Variants in APBA1 observed in about 807,000 individuals in gnomAD.
APBA1 encodes the protein amyloid-beta A4 precursor protein-binding family A member 1.
APBA1 carries 55 observed loss-of-function variants against 86.6 expected under a neutral mutation model. The ratio of observed to expected loss-of-function variants is 0.64; its 90% CI spans 0.51 to 0.80. The LOEUF (loss-of-function observed/expected upper bound fraction) is 0.80. Ranked by LOEUF, APBA1 falls within the 30% of genes least tolerant of loss-of-function variation. APBA1 has a pLI of 0.00. For missense variants in APBA1, 1,090 were observed against 1,183.0 expected (o/e 0.92, Z 1.15); for synonymous variants, 511 against 493.9 (o/e 1.03, Z -0.46).
intron 1 of APBA1, among the ~76,000 whole-genome samples, chr9:69,539,311 C>T (rs1410370187): frequency 2.6e-5 from 4 of 152,250 alleles, no homozygotes; most frequent in East Asian, 1.9e-4. Context: ...TGTGTTAAAA[C>T]AGACTTCTGA....
chr9:69,440,880 T>C, intron 11 of APBA1, 116 bp downstream of exon 11: 1 of 1,296,428 alleles, frequency 7.7e-7, no homozygotes. Context: ...TCACTCACGC[T>C]GGGAGTTGTA....
intron 1 of APBA1, among the ~76,000 whole-genome samples, chr9:69,578,332 G>T (rs963366305): frequency 6.6e-6 from 1 of 152,176 alleles, no homozygotes; most frequent in Non-Finnish European, 1.5e-5. Flanking sequence ...CCACATGGTG[G>T]TTTTCTTTGT....
Position 69,658,300 on chromosome 9 carries a change from C to CTT in APBA1, c.-70+13852_-70+13853insAA, listed in dbSNP as rs1564104986. Among the ~76,000 whole-genome samples, 92 of 56,146 alleles carry CTT rather than the reference C, an allele frequency of 1.6e-3. 2 individuals carry two copies. The highest frequency in any genetic ancestry group is 8.9e-3 in the Middle Eastern group (1 of 112). The allele number at this position is 56,146 out of a possible 152,430, so 36.8% of individuals were successfully genotyped here. A position where few individuals can be genotyped will look rare whatever the true frequency, so the allele number is the denominator to read the frequency against. On this transcript the variant is annotated intron_variant, in intron 1 of 12. Transcript: ENST00000265381. ...TCTTTCTTTCTCTCTCTCTTTCTCT[C>CTT]TCTCTCTTTCTTTCTTTCTTTCTTT...
rs371135732 is a variant in APBA1 at position 69,444,301 on chromosome 9, A to G, written c.2182-3186T>C. On this transcript the variant is annotated intron_variant, in intron 10 of 12. Coordinates refer to ENST00000265381, the MANE Select transcript of APBA1 (RefSeq NM_001163.4). Reference sequence around the variant, plus strand: ...GAGTGTGATTCTCCCTGGGGAAATGAACATCTGTGAAGGATCCAGGCCTTC... The same window carrying G: ...GAGTGTGATTCTCCCTGGGGAAATGGACATCTGTGAAGGATCCAGGCCTTC... 1.5e-4 allele frequency among the ~76,000 whole-genome samples: 23 copies of G among 152,342 alleles called. No homozygotes were observed. In the South Asian group the frequency reaches 4.8e-3, roughly 32 times the overall value.
chr9:69,444,767 TCCA>T (rs1316890095), intron 10 of APBA1, among the ~76,000 whole-genome samples: 2 of 152,184 alleles, frequency 1.3e-5, no homozygotes, highest in Non-Finnish European at 2.9e-5. Flanking sequence ...CTCCTTTCCA[TCCA>T]CCTAATCAAT....
chr9:69,555,168 G>A (rs1836843493), intron 1 of APBA1, among the ~76,000 whole-genome samples: 1 of 152,154 alleles, frequency 6.6e-6, no homozygotes, highest in Non-Finnish European at 1.5e-5. Context: ...ACAGAGATAA[G>A]TTTTAATAAC....
intron 1 of APBA1, among the ~76,000 whole-genome samples, chr9:69,635,735 G>GT (rs1823144115): frequency 1.3e-5 from 2 of 152,086 alleles, no homozygotes; most frequent in South Asian, 4.2e-4. Flanking sequence ...GACAAAAACT[G>GT]TAAGAGGAAA....
chr9:69,658,224 CTTTCTT>C (rs1823654886), intron 1 of APBA1, among the ~76,000 whole-genome samples: 1 of 14,720 alleles, frequency 6.8e-5, no homozygotes, highest in African/African-American at 1.0e-4. Context: ...TCCTTTCTCT[CTTTCTT>C]TCTTTCTTTC....
At position 69,464,422 on chromosome 9, in the gene APBA1, C is replaced by T. The variant is rs192541430; in HGVS notation, c.1482+3401G>A. 29 of 152,324 alleles carry T rather than the reference C, an allele frequency of 1.9e-4. No homozygotes were observed. The East Asian group carries it at 5.2e-3, about 27-fold the overall frequency. The allele number at this position is 152,324 out of a possible 1,614,324, so 9.4% of individuals were successfully genotyped here. ...TTACCACTCTATAATGAATTCCTCA[C>T]GCCAGAGTAATTTGCTTGTAAAAAT... is the stretch of plus-strand genomic sequence containing the variant. On this transcript the variant is annotated intron_variant, in intron 5 of 12. Coordinates refer to ENST00000265381, the MANE Select transcript of APBA1 (RefSeq NM_001163.4).
At chr9:69,503,834 C>T (rs756040451) in intron 2 of APBA1, among the ~76,000 whole-genome samples, 40 of 152,050 alleles carry the variant, frequency 2.6e-4, no homozygotes, top group Non-Finnish European at 5.4e-4. Context: ...GGTTGTGATC[C>T]TGGGATCTCC....
chr9:69,431,521 C>G (rs912444617), intron 12 of APBA1, 123 bp from the exon 13 acceptor site: 1 of 774,946 alleles, frequency 1.3e-6, no homozygotes, highest in Non-Finnish European at 2.0e-6. Context: ...TACTCCCTAC[C>G]GCCCAGCCAC....
intron 1 of APBA1, among the ~76,000 whole-genome samples, chr9:69,644,586 G>A (rs1001568185): frequency 2.6e-5 from 4 of 152,176 alleles, no homozygotes; most frequent in Non-Finnish European, 5.9e-5. Context: ...AAGCCCTACA[G>A]AGTCCCAGCA....
At chr9:69,523,499 A>ATATG (rs1554697024) in intron 1 of APBA1, among the ~76,000 whole-genome samples, 126 of 31,130 alleles carry the variant, frequency 4.0e-3, no homozygotes, top group Non-Finnish European at 4.7e-3. Flanking sequence ...ATATATATGT[A>ATATG]TATATATATA....
At chr9:69,444,878 CA>C in intron 10 of APBA1, among the ~76,000 whole-genome samples, 1 of 152,356 alleles carries the variant, frequency 6.6e-6, no homozygotes, top group African/African-American at 2.4e-5. Context: ...GAGACATTAT[CA>C]GTACTAAGCA....
At chr9:69,594,781 T>A (rs1822197534) in intron 1 of APBA1, among the ~76,000 whole-genome samples, 1 of 152,130 alleles carries the variant, frequency 6.6e-6, no homozygotes, top group Admixed American at 6.5e-5. Flanking sequence ...GAGTAGACAT[T>A]ACCCAAGCCA....
intron 1 of APBA1, among the ~76,000 whole-genome samples, chr9:69,608,666 C>T (rs536809267): frequency 8.5e-4 from 130 of 152,276 alleles, no homozygotes; most frequent in Middle Eastern, 6.8e-3. Flanking sequence ...CTTTGAGTCC[C>T]CTTCTCCCTC....
intron 1 of APBA1, among the ~76,000 whole-genome samples, chr9:69,639,178 A>T (rs1390972395): frequency 1.3e-5 from 2 of 152,124 alleles, no homozygotes; most frequent in East Asian, 3.9e-4. Flanking sequence ...ATCTATTCTC[A>T]ACTGAGTTCT....
chr9:69,598,465 G>A lies in APBA1; in HGVS notation c.-70+73688C>T, dbSNP rs1027135095. On this transcript the variant is annotated intron_variant, in intron 1 of 12. Transcript: ENST00000265381. ...GTAAAAAAATTAAAAAAAAAAAAGA[G>A]AAATCTACTTGACACAGCACACCTC... Among the ~76,000 whole-genome samples the A allele has an allele frequency of 6.0e-4, 91 of 151,486 alleles. 2 individuals carry two copies. Among genetic ancestry groups the A allele is most frequent in the Admixed American group, 3.0e-3 (46 of 15,226 alleles).
chr9:69,662,571 G>C (rs1169602179), intron 1 of APBA1, among the ~76,000 whole-genome samples: 2 of 152,176 alleles, frequency 1.3e-5, no homozygotes, highest in Admixed American at 1.3e-4. Flanking sequence ...ACTCTTCCAG[G>C]TACTAGCTCA....
Sources: gnomAD v4.1 joint callset for allele counts (sites outside exome capture counted in the v4.1 genomes callset) on GRCh38, gnomAD v4.1.1 for gene constraint, MANE v1.5 for transcripts, NCBI Gene and HGNC (gene_info 2026-07-23, HGNC 2026-07-21) for gene names.